Variants in GFM1 observed in about 807,000 individuals in gnomAD.
The protein encoded by GFM1 is G elongation factor mitochondrial 1.
In GFM1, 62 loss-of-function variants were observed where a neutral mutation model predicts 96.2. The ratio of observed to expected loss-of-function variants is 0.64; its 90% CI spans 0.53 to 0.80. The LOEUF is 0.80. GFM1 is among the 30% of genes least tolerant of loss of function. GFM1 has a pLI of 0.00. For synonymous variants in GFM1, 282 were observed against 312.9 expected (o/e 0.90, Z 1.04); for missense variants, 852 against 916.6 (o/e 0.93, Z 0.91).
chr3:158,669,097 C>G lies in GFM1; in HGVS notation c.1601+2711C>G, dbSNP rs147759114. On this transcript the variant is annotated intron_variant, in intron 13 of 17. Transcript: ENST00000486715. ...CAGGCAACCCAGGCTAAATGTAGAA[C>G]GAGCGTCATTTCTGGAGATACATTT... 2.5e-6 allele frequency: 4 copies of G among 1,613,440 alleles called. No individual in the cohort carries two copies. In the African/African-American group the frequency reaches 5.3e-5, roughly 22 times the overall value.
At chr3:158,690,462 A>T (rs534585353) in intron 16 of GFM1, 139 bp downstream of exon 16, 2 of 799,894 alleles carry the variant, frequency 2.5e-6, no homozygotes, top group South Asian at 1.5e-5. Flanking sequence ...GTAATTTGCT[A>T]TTAAAGCAAC....
chr3:158,656,756 T>G (rs1193904051), intron 8 of GFM1: 3 of 152,260 alleles, frequency 2.0e-5, no homozygotes, highest in Non-Finnish European at 2.9e-5. Context: ...CGTATATGTA[T>G]TTTGAACTTT....
chr3:158,666,657 G>A (rs1167788321), intron 13 of GFM1: 2 of 1,613,236 alleles, frequency 1.2e-6, no homozygotes, highest in Non-Finnish European at 1.7e-6. Context: ...TATTCCAGTT[G>A]TACTTCCTTT....
chr3:158,673,922 T>C (rs1217776152), intron 13 of GFM1, among the ~76,000 whole-genome samples: 5 of 149,228 alleles, frequency 3.4e-5, no homozygotes, highest in African/African-American at 1.3e-4. Context: ...TTCATGCTTA[T>C]TATTGTCTCC....
intron 13 of GFM1, among the ~76,000 whole-genome samples, chr3:158,676,925 C>T (rs1724949218): frequency 6.6e-6 from 1 of 152,158 alleles, no homozygotes; most frequent in African/African-American, 2.4e-5. Context: ...GTCTCGAACT[C>T]CTGACCTCAA....
At chr3:158,645,604 A>T (rs1307627700) in intron 1 of GFM1, 25 bp from the exon 2 acceptor site, 1 of 1,593,446 alleles carries the variant, frequency 6.3e-7, no homozygotes, top group South Asian at 1.1e-5. Flanking sequence ...AGGTGCATAG[A>T]ATTGAGCTCT....
chr3:158,689,649 T>C (rs1181871157), intron 15 of GFM1, among the ~76,000 whole-genome samples: 1 of 151,376 alleles, frequency 6.6e-6, no homozygotes, highest in Non-Finnish European at 1.5e-5. Context: ...ATACCTGTAA[T>C]CCCAGCTACT....
At position 158,691,681 on chromosome 3, in the gene GFM1, G is replaced by A; in HGVS notation, c.*214G>A. The A allele has an allele frequency of 2.2e-6, 1 of 461,000 alleles. No individual in the cohort carries two copies. The highest frequency in any genetic ancestry group is 2.5e-5 in the South Asian group (1 of 39,474). 28.6% of individuals were successfully genotyped at this position (461,000 alleles called of 1,614,324 possible). On this transcript the variant is annotated 3_prime_UTR_variant, in exon 18 of 18. Transcript: ENST00000486715. Reference sequence around the variant, plus strand: ...TATGTCTATCTCAACTCTATTGATTGGTTTTATAGTTCATTGAAAATCCTC... The same window carrying A: ...TATGTCTATCTCAACTCTATTGATTAGTTTTATAGTTCATTGAAAATCCTC...
At position 158,646,257 on chromosome 3, in the gene GFM1, C is replaced by T; in HGVS notation, c.327C>T (p.Thr109=). 1 of 1,613,768 alleles carries T rather than the reference C, an allele frequency of 6.2e-7. No individual in the cohort carries two copies. Among genetic ancestry groups the T allele is most frequent in the Non-Finnish European group, 8.5e-7 (1 of 1,179,676 alleles). Residue 109 remains threonine, a synonymous_variant, in exon 3 of 18, where the codon ACC becomes ACT. Transcript: ENST00000486715. The part of the protein sequence containing the change: ...GITIQSAATY[T]MWKDVNINII... ...CTATTCAGTCAGCAGCCACTTACAC[C>T]ATGTGGAAAGATGTCAATATTAACA...
chr3:158,649,635 C>A, intron 5 of GFM1: 1 of 224,188 alleles, frequency 4.5e-6, no homozygotes, highest in Non-Finnish European at 8.8e-6. Flanking sequence ...TAAAATTGTA[C>A]AAATGTGGTT....
rs1227414946 is a variant in GFM1 at position 158,658,909 on chromosome 3, T to A, written c.1084-13T>A. 3.1e-6 allele frequency: 5 copies of A among 1,613,936 alleles called. No homozygotes were observed. In the African/African-American group the frequency reaches 5.3e-5, roughly 17 times the overall value. On this transcript the variant is annotated splice_polypyrimidine_tract_variant and intron_variant, in intron 8 of 17. Coordinates refer to ENST00000486715, the MANE Select transcript of GFM1 (RefSeq NM_024996.7). Reference sequence around the variant, plus strand: ...TTTTATTCTTCCTGCCCTTACCCAATCTTGACTTCTAGGTAGGTCGATTTG... The same window carrying A: ...TTTTATTCTTCCTGCCCTTACCCAAACTTGACTTCTAGGTAGGTCGATTTG...
Position 158,665,448 on chromosome 3 carries a change from G to T in GFM1, c.1492G>T (p.Glu498Ter), listed in dbSNP as rs756216134. Reference sequence around the variant, plus strand: ...AGAGACAGTTATATCTGGAATGGGAGAATTACACCTGGAAATCTATGCTCA... The same window carrying T: ...AGAGACAGTTATATCTGGAATGGGATAATTACACCTGGAAATCTATGCTCA... ...NKETVISGMG[E>*]LHLEIYAQRL... is the part of the protein sequence containing the mutation. Residue 498 changes from glutamate to a stop codon, truncating the protein, a stop_gained, in exon 12 of 18, where the codon GAA (glutamate) becomes TAA (stop). Coordinates refer to ENST00000486715, the MANE Select transcript of GFM1 (RefSeq NM_024996.7). LOFTEE classifies it high-confidence loss of function. The T allele has an allele frequency of 6.2e-6, 10 of 1,610,534 alleles. No individual in the cohort carries two copies. The highest frequency in any genetic ancestry group is 8.5e-6 in the Non-Finnish European group (10 of 1,177,230).
rs1361987657 is a variant in GFM1 at position 158,669,623 on chromosome 3, T to C, written c.1601+3237T>C. The C allele has an allele frequency of 6.2e-6, 10 of 1,611,612 alleles. No individual in the cohort carries two copies. The Admixed American group carries it at 8.4e-5, about 14-fold the overall frequency. On this transcript the variant is annotated intron_variant, in intron 13 of 17. Transcript: ENST00000486715. The stretch of plus-strand genomic sequence containing the variant: ...TCACCTTAACTTGCTGTTTGAAATT[T>C]AGCAAAATATCCTTATATACAGAAG...
chr3:158,652,006 A>G, intron 5 of GFM1, 90 bp from the exon 6 acceptor site: 1 of 1,152,256 alleles, frequency 8.7e-7, no homozygotes, highest in Non-Finnish European at 1.3e-6. Flanking sequence ...TACCTAAAAA[A>G]ATATTTTAAC....
At chr3:158,681,950 G>A (rs746303806) in intron 13 of GFM1, 45 bp from the exon 14 acceptor site, 1 of 1,492,082 alleles carries the variant, frequency 6.7e-7, no homozygotes, top group Non-Finnish European at 9.2e-7. Flanking sequence ...ATTTTATTTT[G>A]TAATTACATA....
chr3:158,651,020 C>CTAA (rs1722255725), intron 5 of GFM1: 1 of 49,442 alleles, frequency 2.0e-5, no homozygotes, highest in African/African-American at 7.8e-5. Context: ...GACTCCGTCT[C>CTAA]AAAAAAAAAA....
intron 6 of GFM1, among the ~76,000 whole-genome samples, chr3:158,653,083 T>C (rs2108019161): frequency 6.6e-6 from 1 of 152,240 alleles, no homozygotes; most frequent in Admixed American, 6.5e-5. Flanking sequence ...ATTCCAAGAG[T>C]GTCGAAAGCA....
intron 3 of GFM1, among the ~76,000 whole-genome samples, 160 bp downstream of exon 3, chr3:158,646,457 C>T (rs568116224): frequency 8.5e-5 from 13 of 152,170 alleles, no homozygotes; most frequent in Admixed American, 7.2e-4. Flanking sequence ...GCACTTCATC[C>T]TTATGTAGTT....
intron 1 of GFM1, 61 bp from the exon 2 acceptor site, chr3:158,645,568 A>C (rs1335654081): frequency 7.3e-7 from 1 of 1,368,560 alleles, no homozygotes; most frequent in Non-Finnish European, 1.0e-6. Flanking sequence ...TACTCCTTTT[A>C]ATTGTCTGTT....
Sources: allele counts gnomAD v4.1 joint callset (sites outside exome capture counted in the v4.1 genomes callset), GRCh38; gene constraint gnomAD v4.1.1; transcripts MANE v1.5; gene names NCBI Gene and HGNC (gene_info 2026-07-23, HGNC 2026-07-21).